The following C7orf33 variants were observed in gnomAD, a reference collection of about 807,000 sequenced individuals.
C7orf33 encodes uncharacterized protein C7orf33.
A neutral mutation model predicts 13.4 loss-of-function variants in C7orf33; 15 were observed. The ratio of observed to expected loss-of-function variants is 1.12; its 90% confidence interval spans 0.75 to 1.72. C7orf33 has a LOEUF of 1.72. Ranked by LOEUF, C7orf33 falls within the 40% of genes most tolerant of loss-of-function variation. C7orf33 has a pLI of 0.00. For missense variants in C7orf33, 187 were observed against 220.3 expected, an observed-to-expected ratio of 0.85 and a Z score of 0.96; for synonymous variants, 73 against 83.2, an observed-to-expected ratio of 0.88 and a Z score of 0.67.
At chr7:148,606,903 A>G (rs1796478081) in intron 1 of C7orf33, among the ~76,000 whole-genome samples, 1 of 147,464 alleles carries the variant, frequency 6.8e-6, no homozygotes, top group African/African-American at 2.5e-5. Context: ...TAAGGTTCTT[A>G]GTTGGAATAG....
chr7:148,598,759 TATATAGAGAGAGAGAG>T (rs1363477774), intron 1 of C7orf33, among the ~76,000 whole-genome samples: 146 of 32,860 alleles, frequency 4.4e-3, no homozygotes, highest in African/African-American at 6.4e-3. Context: ...TATATATATA[TATATAGAGAGAGAGAG>T]AGAGAGAGAG....
At chr7:148,594,933 A>T (rs1255907846) in intron 1 of C7orf33, among the ~76,000 whole-genome samples, 2 of 152,006 alleles carry the variant, frequency 1.3e-5, no homozygotes, top group Admixed American at 6.6e-5. Flanking sequence ...CTTACATGAG[A>T]CAACAGTGAG....
intron 1 of C7orf33, 75 bp from the exon 2 acceptor site, chr7:148,613,967 G>A (rs1796573823): frequency 6.8e-7 from 1 of 1,466,516 alleles, no homozygotes; most frequent in Non-Finnish European, 9.3e-7. Flanking sequence ...AGAAATGTGA[G>A]AACAAATTAG....
intron 1 of C7orf33, among the ~76,000 whole-genome samples, chr7:148,604,571 G>A (rs1327816544): frequency 6.6e-6 from 1 of 152,184 alleles, no homozygotes; most frequent in East Asian, 1.9e-4. Context: ...AGGGTGGGAG[G>A]GGGATGAGGA....
At chr7:148,614,360 C>T in intron 2 of C7orf33, 64 bp downstream of exon 2, 1 of 1,521,004 alleles carries the variant, frequency 6.6e-7, no homozygotes, top group Non-Finnish European at 9.0e-7. Context: ...TCTGAAACTT[C>T]CATGAAAATG....
intron 1 of C7orf33, among the ~76,000 whole-genome samples, chr7:148,594,171 CTTTTTTT>C (rs940143798): frequency 7.7e-6 from 1 of 129,300 alleles, no homozygotes; most frequent in African/African-American, 2.9e-5. Context: ...AACCTCTTTT[CTTTTTTT>C]TTTTTTTTTT....
In C7orf33 at chr7:148,595,619, T is replaced by TATATAATATACATCTATATTATATAG. The variant is rs1236967409; in HGVS notation, c.204+4501_204+4526dup. Reference sequence around the variant, plus strand: ...ATAGATATACATATTATATATATTATATATAATATACATCTATATTATATA... The same window carrying TATATAATATACATCTATATTATATAG: ...ATAGATATACATATTATATATATTATATATAATATACATCTATATTATATAGATATAATATACATCTATATTATATA... On this transcript the variant is annotated intron_variant, in intron 1 of 2. Transcript: ENST00000307003. Among the ~76,000 whole-genome samples the TATATAATATACATCTATATTATATAG allele has an allele frequency of 4.6e-4, 59 of 128,936 alleles. 1 individual carries two copies. The highest frequency in any genetic ancestry group is 4.7e-4 in the South Asian group (2 of 4,286). 84.6% of individuals were successfully genotyped at this position (128,936 alleles called of 152,430 possible).
chr7:148,602,029 G>A (rs1373536541), intron 1 of C7orf33, among the ~76,000 whole-genome samples: 3 of 152,118 alleles, frequency 2.0e-5, no homozygotes, highest in Non-Finnish European at 4.4e-5. Flanking sequence ...GATTACAGGC[G>A]TGAGCCACAG....
intron 1 of C7orf33, among the ~76,000 whole-genome samples, chr7:148,598,117 G>A (rs10229473): frequency 0.28 from 42,710 of 151,990 alleles, 7,871 homozygotes; most frequent in African/African-American, 0.52. Flanking sequence ...GTATTTTTGC[G>A]TGTTTTCAGC....
rs780485421 is a variant in C7orf33, at chr7:148,590,959, G to A, written c.34G>A (p.Glu12Lys). Residue 12 changes from glutamate to lysine, a missense_variant, in exon 1 of 3, where the codon GAG becomes AAG. Glu to Lys is a moderately conservative substitution (Grantham distance 56, BLOSUM62 1). Coordinates refer to ENST00000307003, the MANE Select transcript of C7orf33 (RefSeq NM_145304.4). ...GGAAGTTCAAAGCCTCAGCCTTGAA[G>A]AGTGTCCCTGGAGACTTCCAGGCCC... ...QVEVQSLSLEECPWRLPGPQC... is the reference protein window; with the variant it reads ...QVEVQSLSLEKCPWRLPGPQC... 6.2e-7 allele frequency: 1 copy of A among 1,614,188 alleles called. No homozygotes were observed. Among genetic ancestry groups the A allele is most frequent in the South Asian group, 1.1e-5 (1 of 91,074 alleles).
chr7:148,594,772 T>C (rs1191029566), intron 1 of C7orf33, among the ~76,000 whole-genome samples: 1 of 152,160 alleles, frequency 6.6e-6, no homozygotes, highest in African/African-American at 2.4e-5. Flanking sequence ...TATATTTCAG[T>C]CCAATATATC....
At chr7:148,593,925 A>G (rs567799999) in intron 1 of C7orf33, among the ~76,000 whole-genome samples, 1 of 152,314 alleles carries the variant, frequency 6.6e-6, no homozygotes, top group South Asian at 2.1e-4. Context: ...TGGATTTGTC[A>G]TGAATAGTTT....
intron 1 of C7orf33, among the ~76,000 whole-genome samples, chr7:148,600,378 G>A (rs1451674956): frequency 6.6e-6 from 1 of 152,212 alleles, no homozygotes; most frequent in African/African-American, 2.4e-5. Context: ...GGCTGAGGCA[G>A]GAGAATCACT....
Position 148,590,839 on chromosome 7 carries a change from G to C in C7orf33, c.-87G>C. 1 of 1,233,946 alleles carries C rather than the reference G, an allele frequency of 8.1e-7. No homozygotes were observed. Among genetic ancestry groups the C allele is most frequent in the Non-Finnish European group, 1.2e-6 (1 of 846,772 alleles). 76.4% of individuals were successfully genotyped at this position (1,233,946 alleles called of 1,614,324 possible). A position where few individuals can be genotyped will look rare whatever the true frequency, so the allele number is the denominator to read the frequency against. On this transcript the variant is annotated 5_prime_UTR_variant, in exon 1 of 3. Transcript: ENST00000307003. ...TGTCTGAATCCTCCTACTGACCCTG[G>C]GGATCCGTGCGACTTGATCTTAGAT...
intron 1 of C7orf33, among the ~76,000 whole-genome samples, chr7:148,597,628 C>T (rs1443702673): frequency 6.6e-6 from 1 of 152,158 alleles, no homozygotes; most frequent in Non-Finnish European, 1.5e-5. Context: ...TAACAAGAAT[C>T]TTCATGCTAC....
chr7:148,590,864 T>TA lies in C7orf33; in HGVS notation c.-61dup, dbSNP rs1796258056. ...GGGATCCGTGCGACTTGATCTTAGATATTGGTGGTGAAGCGCCGCTCTCCT... is the reference window on the plus strand; with the variant it reads ...GGGATCCGTGCGACTTGATCTTAGATAATTGGTGGTGAAGCGCCGCTCTCCT... On this transcript the variant is annotated 5_prime_UTR_variant, in exon 1 of 3. Transcript: ENST00000307003. The TA allele has an allele frequency of 2.8e-6, 4 of 1,451,270 alleles. No homozygotes were observed. Among genetic ancestry groups the TA allele is most frequent in the African/African-American group, 1.4e-5 (1 of 71,846 alleles). 89.9% of individuals were successfully genotyped at this position (1,451,270 alleles called of 1,614,324 possible).
At chr7:148,592,678 C>A (rs750734967) in intron 1 of C7orf33, among the ~76,000 whole-genome samples, 21 of 151,916 alleles carry the variant, frequency 1.4e-4, no homozygotes, top group Non-Finnish European at 2.4e-4. Flanking sequence ...CCATGCCCAG[C>A]TAATTTTTGT....
At chr7:148,608,345 G>C (rs772236807) in intron 1 of C7orf33, among the ~76,000 whole-genome samples, 4 of 151,978 alleles carry the variant, frequency 2.6e-5, no homozygotes, top group Non-Finnish European at 5.9e-5. Context: ...CAGGAGAATC[G>C]CTTGAACCCA....
chr7:148,604,898 C>A (rs1796456487), intron 1 of C7orf33, among the ~76,000 whole-genome samples: 1 of 152,096 alleles, frequency 6.6e-6, no homozygotes, highest in Non-Finnish European at 1.5e-5. Flanking sequence ...AAACTAGCAG[C>A]AATGTATATA....
Sources: allele counts gnomAD v4.1 joint callset (sites outside exome capture counted in the v4.1 genomes callset), GRCh38; gene constraint gnomAD v4.1.1; transcripts MANE v1.5; gene names NCBI Gene and HGNC (gene_info 2026-07-23, HGNC 2026-07-21).